The following FGR variants were observed in gnomAD, a reference collection of about 807,000 sequenced individuals.
FGR encodes FGR proto-oncogene, Src family tyrosine kinase.
FGR carries 26 observed loss-of-function variants against 63.2 expected under a neutral mutation model. The observed-to-expected ratio is 0.41, with a 90% CI of 0.30 to 0.57. The LOEUF is 0.57. Ranked by LOEUF, FGR falls within the 20% of genes least tolerant of loss-of-function variation. FGR has a pLI of 0.27. For missense variants in FGR, 511 were observed against 690.8 expected, an observed-to-expected ratio of 0.74 and a Z score of 2.92; for synonymous variants, 286 against 277.7, an observed-to-expected ratio of 1.03 and a Z score of -0.30.
At chr1:27,624,304 T>C (rs955385822) in intron 2 of FGR, among the ~76,000 whole-genome samples, 4 of 152,248 alleles carry the variant, frequency 2.6e-5, no homozygotes, top group African/African-American at 9.6e-5. Context: ...GGCACAATCA[T>C]AGCTTGCTGC....
chr1:27,614,726 C>T (rs907896796), intron 10 of FGR, 124 bp downstream of exon 10: 1 of 1,330,946 alleles, frequency 7.5e-7, no homozygotes, highest in Admixed American at 2.1e-5. Flanking sequence ...ACCTCTCAGG[C>T]ACAGCTGGAG....
rs889246401 is a variant in FGR at position 27,616,135 on chromosome 1, G to A, written c.683-291C>T. On this transcript the variant is annotated intron_variant, in intron 7 of 12. Transcript: ENST00000374005. The surrounding 1 kb of genome is among the most constrained non-coding windows in gnomAD (Gnocchi z 4.3). ...CAGCTGGGCCTTGAAGGATAAGGTG[G>A]GATTCTCACAGGTGGAAATGGGGTT... is the stretch of plus-strand genomic sequence containing the variant. Among the ~76,000 whole-genome samples, 3 of 152,156 alleles carry A rather than the reference G, an allele frequency of 2.0e-5. No homozygotes were observed. Among genetic ancestry groups the A allele is most frequent in the African/African-American group, 7.2e-5 (3 of 41,422 alleles).
chr1:27,612,540 T>G lies in FGR; in HGVS notation c.*374A>C. ...GAAATTCTTGGCACCTGGACTAGAG[T>G]GAGATAAAAGGAGAGTAGGAAAGCA... is the stretch of plus-strand genomic sequence containing the variant. On this transcript the variant is annotated 3_prime_UTR_variant, in exon 13 of 13. Coordinates refer to ENST00000374005, the MANE Select transcript of FGR (RefSeq NM_005248.3). The G allele has an allele frequency of 1.1e-5, 2 of 183,342 alleles. No homozygotes were observed. The highest frequency in any genetic ancestry group is 2.3e-5 in the Non-Finnish European group (2 of 87,154). The allele number at this position is 183,342 out of a possible 1,614,324, so 11.4% of individuals were successfully genotyped here.
At chr1:27,618,584 C>T (rs1398898416) in intron 5 of FGR, among the ~76,000 whole-genome samples, 2 of 152,100 alleles carry the variant, frequency 1.3e-5, no homozygotes, top group African/African-American at 2.4e-5. Context: ...CCACAAACCT[C>T]CTGTCCTCTG....
intron 5 of FGR, among the ~76,000 whole-genome samples, chr1:27,618,926 C>T (rs1017341655): frequency 6.6e-6 from 1 of 152,244 alleles, no homozygotes; most frequent in Non-Finnish European, 1.5e-5. Flanking sequence ...CTGGCCTCCG[C>T]CTCCCACCCT....
intron 5 of FGR, among the ~76,000 whole-genome samples, chr1:27,619,017 G>T (rs1029513617): frequency 7.2e-5 from 11 of 151,988 alleles, no homozygotes; most frequent in Admixed American, 7.2e-4. Flanking sequence ...CTTGTTTCCT[G>T]AAGCTTCTCC....
intron 2 of FGR, among the ~76,000 whole-genome samples, 157 bp downstream of exon 2, chr1:27,624,932 C>G (rs1030246459): frequency 6.6e-6 from 1 of 152,090 alleles, no homozygotes; most frequent in East Asian, 1.9e-4. Context: ...GTGGGTCCAG[C>G]CTTCAGCCTC....
rs1265075507 is a variant in FGR at position 27,612,690 on chromosome 1, G to A, written c.*224C>T. 1 of 549,130 alleles carries A rather than the reference G, an allele frequency of 1.8e-6. No homozygotes were observed. The highest frequency in any genetic ancestry group is 3.3e-6 in the Non-Finnish European group (1 of 306,182). The allele number at this position is 549,130 out of a possible 1,614,324, so 34.0% of individuals were successfully genotyped here. On this transcript the variant is annotated 3_prime_UTR_variant, in exon 13 of 13. Transcript: ENST00000374005. ...TGTAGGGGCCTAAGTGGAAAAGGAA[G>A]AAATAGTGCTTGGGGCCAGAGCGGA...
intron 1 of FGR, among the ~76,000 whole-genome samples, chr1:27,631,914 G>A (rs986900305): frequency 1.3e-4 from 19 of 151,978 alleles, no homozygotes; most frequent in African/African-American, 4.6e-4. Flanking sequence ...GGGCAGGCCA[G>A]GGCTGGAGGG....
In FGR at chr1:27,612,800, G is replaced by T. The variant is rs1173809442; in HGVS notation, c.*114C>A. On this transcript the variant is annotated 3_prime_UTR_variant, in exon 13 of 13. Transcript: ENST00000374005. ...GTGGTGTCAGAGCAGCCACGTCCTCGGTGATGCTAGGACTCTATGGGGTTC... is the reference window on the plus strand; with the variant it reads ...GTGGTGTCAGAGCAGCCACGTCCTCTGTGATGCTAGGACTCTATGGGGTTC... 1.0e-5 allele frequency: 10 copies of T among 979,906 alleles called. No homozygotes were observed. In the East Asian group the frequency reaches 2.6e-4, roughly 26 times the overall value. The allele number at this position is 979,906 out of a possible 1,614,324, so 60.7% of individuals were successfully genotyped here. A position where few individuals can be genotyped will look rare whatever the true frequency, so the allele number is the denominator to read the frequency against.
chr1:27,619,235 G>C (rs963420931), intron 5 of FGR, among the ~76,000 whole-genome samples: 3 of 152,022 alleles, frequency 2.0e-5, no homozygotes, highest in Non-Finnish European at 4.4e-5. Context: ...CTGTCACCCA[G>C]GCTGGAGTGC....
chr1:27,631,711 C>CCGT (rs1409489182), intron 1 of FGR, among the ~76,000 whole-genome samples: 1 of 152,160 alleles, frequency 6.6e-6, no homozygotes, highest in Non-Finnish European at 1.5e-5. Flanking sequence ...GTGGCAGTGA[C>CCGT]GGTGTGGGAC....
At position 27,612,798 on chromosome 1, in the gene FGR, T is replaced by G; in HGVS notation, c.*116A>C. 9.3e-6 allele frequency: 9 copies of G among 966,274 alleles called. No individual in the cohort carries two copies. The highest frequency in any genetic ancestry group is 1.4e-5 in the Non-Finnish European group (9 of 651,380). 59.9% of individuals were successfully genotyped at this position (966,274 alleles called of 1,614,324 possible). ...AGGTGGTGTCAGAGCAGCCACGTCC[T>G]CGGTGATGCTAGGACTCTATGGGGT... On this transcript the variant is annotated 3_prime_UTR_variant, in exon 13 of 13. Transcript: ENST00000374005.
Position 27,615,431 on chromosome 1 carries a change from G to A in FGR, c.1018+3C>T. The A allele has an allele frequency of 6.3e-7, 1 of 1,595,250 alleles. No individual in the cohort carries two copies. The highest frequency in any genetic ancestry group is 8.6e-7 in the Non-Finnish European group (1 of 1,164,392). On this transcript the variant is annotated splice_donor_region_variant and intron_variant, in intron 9 of 12. Coordinates refer to ENST00000374005, the MANE Select transcript of FGR (RefSeq NM_005248.3). This position sits in a 1 kb window ranked among gnomAD's most constrained non-coding sequence, Gnocchi z 7.6. ...CCCGCCCGACCAGGCTCCGCCTCCTGACCGTGACACATGAACTCGGTCACG... is the reference window on the plus strand; with the variant it reads ...CCCGCCCGACCAGGCTCCGCCTCCTAACCGTGACACATGAACTCGGTCACG...
At position 27,617,383 on chromosome 1, in the gene FGR, C is replaced by T. The variant is rs905816609; in HGVS notation, c.429-87G>A. The T allele has an allele frequency of 3.3e-6, 3 of 899,746 alleles. No individual in the cohort carries two copies. Among genetic ancestry groups the T allele is most frequent in the Non-Finnish European group, 3.6e-6 (2 of 549,590 alleles). 55.7% of individuals were successfully genotyped at this position (899,746 alleles called of 1,614,324 possible). A position where few individuals can be genotyped will look rare whatever the true frequency, so the allele number is the denominator to read the frequency against. On this transcript the variant is annotated intron_variant, in intron 5 of 12. Coordinates refer to ENST00000374005, the MANE Select transcript of FGR (RefSeq NM_005248.3). This position sits in a 1 kb window ranked among gnomAD's most constrained non-coding sequence, Gnocchi z 4.5. ...CACAGTCACCTCACAAGCCAAGACT[C>T]CATTTTCCCCATGTGTAAAATGGGG...
chr1:27,627,982 C>T (rs2090047904), intron 1 of FGR, among the ~76,000 whole-genome samples: 1 of 152,054 alleles, frequency 6.6e-6, no homozygotes, highest in Non-Finnish European at 1.5e-5. Context: ...TGGCCAGTCA[C>T]AGTGGCTCAT....
chr1:27,632,668 C>T (rs2090122358), intron 1 of FGR, among the ~76,000 whole-genome samples: 1 of 152,114 alleles, frequency 6.6e-6, no homozygotes, highest in African/African-American at 2.4e-5. Flanking sequence ...AAACCACCCA[C>T]CAGCCTCTAA....
At chr1:27,627,716 C>T (rs1379249976) in intron 1 of FGR, among the ~76,000 whole-genome samples, 3 of 152,156 alleles carry the variant, frequency 2.0e-5, no homozygotes, top group Non-Finnish European at 4.4e-5. Flanking sequence ...TCAAGCCATT[C>T]TCTTGCCTCA....
At chr1:27,621,518 G>A (rs1355318004) in intron 5 of FGR, 41 bp downstream of exon 5, 3 of 1,478,614 alleles carry the variant, frequency 2.0e-6, no homozygotes, top group Non-Finnish European at 2.8e-6. Flanking sequence ...GGACTCCAGG[G>A]TCCTGTCCAT....
Sources: allele counts gnomAD v4.1 joint callset (sites outside exome capture counted in the v4.1 genomes callset), GRCh38; gene constraint gnomAD v4.1.1; non-coding constraint Gnocchi (gnomAD v3.1); transcripts MANE v1.5; gene names NCBI Gene and HGNC (gene_info 2026-07-23, HGNC 2026-07-21).